The following NCOA2 variants were observed in gnomAD, a reference collection of about 807,000 sequenced individuals.
The protein encoded by NCOA2 is nuclear receptor coactivator 2.
In NCOA2, 21 loss-of-function variants were observed where a neutral mutation model predicts 145.1. That is an observed-to-expected ratio of 0.14 (90% CI 0.10 to 0.21). The LOEUF (loss-of-function observed/expected upper bound fraction) is 0.21. NCOA2 is among the 10% of genes least tolerant of loss of function. The pLI is 1.00. For synonymous variants in NCOA2, 619 were observed against 637.5 expected (o/e 0.97, Z 0.44); for missense variants, 1,472 against 1,837.6 (o/e 0.80, Z 3.64).
intron 1 of NCOA2, among the ~76,000 whole-genome samples, chr8:70,389,283 A>T (rs1219499628): frequency 2.7e-5 from 4 of 146,188 alleles, no homozygotes; most frequent in Admixed American, 6.8e-5. Context: ...AACAGGCCAA[A>T]TTTTTTTTTT....
At chr8:70,284,868 C>T (rs539464693) in intron 2 of NCOA2, among the ~76,000 whole-genome samples, 5 of 135,818 alleles carry the variant, frequency 3.7e-5, no homozygotes, top group South Asian at 6.0e-4. Context: ...AGAGGGGAGA[C>T]GGGGAGAGAA....
the NCOA2 span, among the ~76,000 whole-genome samples, chr8:70,439,551 T>C: frequency 1.3e-5 from 2 of 152,206 alleles, no homozygotes; most frequent in Admixed American, 1.3e-4. Context: ...AAGTTCTATG[T>C]GCTATGAGTA....
intron 4 of NCOA2, among the ~76,000 whole-genome samples, chr8:70,185,610 G>GCGT (rs1400453013): frequency 1.3e-5 from 2 of 152,176 alleles, no homozygotes; most frequent in Admixed American, 1.3e-4. Context: ...GGGTCATGGG[G>GCGT]CACGTGGTGG....
In NCOA2 at chr8:70,309,622, T is replaced by C. The variant is rs763773143; in HGVS notation, c.-76-12822A>G. On this transcript the variant is annotated intron_variant, in intron 1 of 22. Coordinates refer to ENST00000452400, the MANE Select transcript of NCOA2 (RefSeq NM_006540.4). ...TATGTATCATAGTGGTATCTTTCTA[T>C]ATACAGTACTTAAATTTTTTTTTTC... Among the ~76,000 whole-genome samples, 53 of 152,284 alleles carry C rather than the reference T, an allele frequency of 3.5e-4. No individual in the cohort carries two copies. The South Asian group carries it at 3.5e-3, about 10-fold the overall frequency.
At chr8:70,333,443 A>C in intron 1 of NCOA2, among the ~76,000 whole-genome samples, 1 of 152,204 alleles carries the variant, frequency 6.6e-6, no homozygotes, top group East Asian at 1.9e-4. Context: ...CCTAGAGATT[A>C]AGCCTCTTGC....
intron 1 of NCOA2, among the ~76,000 whole-genome samples, chr8:70,390,404 T>C (rs1190485333): frequency 1.3e-5 from 2 of 152,176 alleles, no homozygotes; most frequent in Non-Finnish European, 2.9e-5. Flanking sequence ...ATTCTTATTG[T>C]TTTCTTGGGT....
At chr8:70,395,347 C>T (rs551868267) in intron 1 of NCOA2, among the ~76,000 whole-genome samples, 3 of 152,302 alleles carry the variant, frequency 2.0e-5, no homozygotes, top group Middle Eastern at 3.4e-3. Flanking sequence ...CCAGAACAGG[C>T]TGCTGGCACA....
intron 1 of NCOA2, among the ~76,000 whole-genome samples, chr8:70,297,295 C>T (rs1299567953): frequency 1.3e-5 from 2 of 152,136 alleles, no homozygotes; most frequent in Non-Finnish European, 2.9e-5. Context: ...AACCAAAAGG[C>T]CTGAATGACT....
At chr8:70,432,023 C>G in the NCOA2 span, among the ~76,000 whole-genome samples, 1 of 152,314 alleles carries the variant, frequency 6.6e-6, no homozygotes, top group Admixed American at 6.5e-5. Context: ...AGAGCGTGCT[C>G]TCAAGCACAC....
chr8:70,371,555 A>G (rs1328851122), intron 1 of NCOA2, among the ~76,000 whole-genome samples: 1 of 152,208 alleles, frequency 6.6e-6, no homozygotes, highest in Non-Finnish European at 1.5e-5. Context: ...ACTTACAAAG[A>G]TACTAAAAAG....
intron 16 of NCOA2, among the ~76,000 whole-genome samples, chr8:70,131,338 G>T (rs1809076805): frequency 6.6e-6 from 1 of 152,204 alleles, no homozygotes; most frequent in African/African-American, 2.4e-5. Flanking sequence ...AGGTAAAAAT[G>T]ATGAAAGAGT....
At chr8:70,333,085 T>C (rs56395981) in intron 1 of NCOA2, among the ~76,000 whole-genome samples, 4,735 of 152,274 alleles carry the variant, frequency 0.031, 111 homozygotes, top group East Asian at 0.094. Flanking sequence ...ACTTATGATT[T>C]CATTTTCCAA....
intron 2 of NCOA2, among the ~76,000 whole-genome samples, chr8:70,224,772 ATTT>A (rs1215289101): frequency 7.2e-6 from 1 of 138,070 alleles, no homozygotes; most frequent in Non-Finnish European, 1.5e-5. Flanking sequence ...TATTTAATTA[ATTT>A]ATTATATTAC....
intron 2 of NCOA2, among the ~76,000 whole-genome samples, chr8:70,264,718 A>G (rs912972025): frequency 6.6e-6 from 1 of 152,234 alleles, no homozygotes; most frequent in Admixed American, 6.5e-5. Context: ...GAAATTGGAA[A>G]AAATTAGAAA....
chr8:70,415,554 T>C, the NCOA2 span, among the ~76,000 whole-genome samples: 1 of 152,216 alleles, frequency 6.6e-6, no homozygotes, highest in Non-Finnish European at 1.5e-5. Context: ...AGGGGAATTT[T>C]ACAGCAATCA....
chr8:70,248,960 A>G (rs990694624), intron 2 of NCOA2, among the ~76,000 whole-genome samples: 1 of 151,982 alleles, frequency 6.6e-6, no homozygotes, highest in Non-Finnish European at 1.5e-5. Context: ...GTTGTTTCCA[A>G]TTGGGAGCTT....
intron 4 of NCOA2, among the ~76,000 whole-genome samples, chr8:70,187,255 A>C (rs897287151): frequency 2.0e-5 from 3 of 152,234 alleles, no homozygotes; most frequent in African/African-American, 7.2e-5. Context: ...ACAAAGGCCA[A>C]CCAACATTTA....
intron 2 of NCOA2, among the ~76,000 whole-genome samples, chr8:70,291,311 A>T (rs1826661125): frequency 6.6e-6 from 1 of 152,158 alleles, no homozygotes; most frequent in Admixed American, 6.5e-5. Context: ...CCTCCTCTAA[A>T]CATGCTAACT....
intron 2 of NCOA2, among the ~76,000 whole-genome samples, chr8:70,290,428 T>C (rs574769927): frequency 5.3e-4 from 80 of 152,236 alleles, no homozygotes; most frequent in African/African-American, 1.9e-3. Context: ...AACCTCGTGA[T>C]CCGCCTGCCT....
Sources: gnomAD v4.1 joint callset for allele counts (sites outside exome capture counted in the v4.1 genomes callset) on GRCh38, gnomAD v4.1.1 for gene constraint, MANE v1.5 for transcripts, NCBI Gene and HGNC (gene_info 2026-07-23, HGNC 2026-07-21) for gene names.